The following IRF3 variants were observed in gnomAD, a reference collection of about 807,000 sequenced individuals.
The protein encoded by IRF3 is interferon regulatory factor 3.
IRF3 carries 29 observed loss-of-function variants against 43.2 expected under a neutral mutation model. The ratio of observed to expected loss-of-function variants is 0.67; its 90% CI spans 0.50 to 0.91. The LOEUF is 0.91. Among genes scored for constraint, IRF3 ranks in the 40% least tolerant of loss-of-function variants. The probability of loss-of-function intolerance (pLI) is 0.00; values close to 1 mark genes in which losing one functional copy is unlikely to be tolerated. For synonymous variants in IRF3, 228 were observed against 233.9 expected, an observed-to-expected ratio of 0.97 and a Z score of 0.23; for missense variants, 505 against 559.1, an observed-to-expected ratio of 0.90 and a Z score of 0.98.
At position 49,660,657 on chromosome 19, in the gene IRF3, C is replaced by G. The variant is rs1018382620; in HGVS notation, c.1098+56G>C. 4 of 1,477,496 alleles carry G rather than the reference C, an allele frequency of 2.7e-6. No individual in the cohort carries two copies. The Admixed American group carries it at 7.5e-5, about 28-fold the overall frequency. The allele number at this position is 1,477,496 out of a possible 1,614,324, so 91.5% of individuals were successfully genotyped here. On this transcript the variant is annotated intron_variant, in intron 7 of 7. Transcript: ENST00000377139. ...GGGAGTTGGAGTTCCTGGGAGCAAC[C>G]TCTTCCCTCTGTAAGGCCACCCCTT...
rs189870557 is a variant in IRF3 at position 49,663,392 on chromosome 19, C to G, written c.288G>C (p.Arg96=). 1.9e-6 allele frequency: 3 copies of G among 1,614,198 alleles called. No homozygotes were observed. The highest frequency in any genetic ancestry group is 2.2e-5 in the East Asian group (1 of 44,882). The stretch of plus-strand genomic sequence containing the variant: ...TATGTGGGTCGTGAGGGTCCTTGCT[C>G]CGGTCCTCTGCTAAACGCAACCCTT... ...RKEGLRLAED[R]SKDPHDPHKI... Residue 96 remains arginine (R), a synonymous_variant, in exon 3 of 8, where the codon CGG becomes CGC. Transcript: ENST00000377139.
Position 49,665,835 on chromosome 19 carries a change from C to G in IRF3, c.-213G>C. ...AGACCCAAAAGCCGATGGGACGGCC[C>G]GCTGGGCTGTTCCCGCCCCTATGCC... On this transcript the variant is annotated 5_prime_UTR_variant, in exon 1 of 8. Transcript: ENST00000377139. The G allele has an allele frequency of 6.3e-7, 1 of 1,597,106 alleles. No homozygotes were observed. The highest frequency in any genetic ancestry group is 8.6e-7 in the Non-Finnish European group (1 of 1,166,148).
chr19:49,663,145 C>T (rs1236951665), intron 4 of IRF3, 43 bp downstream of exon 4: 3 of 1,530,684 alleles, frequency 2.0e-6, no homozygotes, highest in South Asian at 1.1e-5. Context: ...CCCATGGAGA[C>T]AGGTCGGAGA....
rs1194237221 is a variant in IRF3 at position 49,664,699 on chromosome 19, T to C, written c.140A>G (p.Gln47Arg). ...PWKHGLRQDA[Q>R]QEDFGIFQAW... ...CTGGAAGATTCCGAAATCCTCCTGC[T>C]GTGCATCCTGCCGTAGGCCGTGCTT... Residue 47 changes from glutamine to arginine, a missense_variant, in exon 2 of 8, where the codon CAG becomes CGG. By Grantham distance (43) the Gln-to-Arg change is conservative. Transcript: ENST00000377139. 1 of 1,613,976 alleles carries C rather than the reference T, an allele frequency of 6.2e-7. No homozygotes were observed.
rs766242350 is a variant in IRF3 at position 49,663,449 on chromosome 19, C to T, written c.231G>A (p.Lys77=). ...GGTTGAGGGCAGAGCGGAAATTCCTCTTCCAGGTTGGCAGGTCTGGCTTAT... is the reference window on the plus strand; with the variant it reads ...GGTTGAGGGCAGAGCGGAAATTCCTTTTCCAGGTTGGCAGGTCTGGCTTAT... ...GRDKPDLPTW[K]RNFRSALNRK... Residue 77 remains lysine (K), a synonymous_variant, in exon 3 of 8, where the codon AAG becomes AAA. Coordinates refer to ENST00000377139, the MANE Select transcript of IRF3 (RefSeq NM_001571.6). The T allele has an allele frequency of 8.7e-6, 14 of 1,614,102 alleles. No homozygotes were observed. Among genetic ancestry groups the T allele is most frequent in the Non-Finnish European group, 1.2e-5 (14 of 1,180,062 alleles).
rs2081187706 is a variant in IRF3 at position 49,659,614 on chromosome 19, G to A, written c.*34C>T. The stretch of plus-strand genomic sequence containing the variant: ...TTATTGGTTGAGGTGGTGGGGAACA[G>A]GGGGGTTGGAGGCACACCATGAGGA... On this transcript the variant is annotated 3_prime_UTR_variant, in exon 8 of 8. Transcript: ENST00000377139. 1 of 1,590,190 alleles carries A rather than the reference G, an allele frequency of 6.3e-7. No individual in the cohort carries two copies. Among genetic ancestry groups the A allele is most frequent in the Non-Finnish European group, 8.6e-7 (1 of 1,168,704 alleles).
Position 49,665,681 on chromosome 19 carries a change from G to T in IRF3, c.-59C>A. On this transcript the variant is annotated 5_prime_UTR_variant, in exon 1 of 8. Transcript: ENST00000377139. ...GGCAGCTGGAACCCACCCCTGTCTT[G>T]GAGCTCCGGGTAGCTCTCAAACTCG... 1 of 1,165,466 alleles carries T rather than the reference G, an allele frequency of 8.6e-7. No individual in the cohort carries two copies. Among genetic ancestry groups the T allele is most frequent in the Non-Finnish European group, 1.2e-6 (1 of 838,346 alleles). 72.2% of individuals were successfully genotyped at this position (1,165,466 alleles called of 1,614,324 possible).
At chr19:49,660,046 C>CACACA (rs2081244970) in intron 7 of IRF3, among the ~76,000 whole-genome samples, 1 of 142,762 alleles carries the variant, frequency 7.0e-6, no homozygotes, top group Non-Finnish European at 1.5e-5. Context: ...TGTAACTGAA[C>CACACA]CATAGGCCTA....
chr19:49,660,625 G>T, intron 7 of IRF3, 88 bp downstream of exon 7: 1 of 1,342,638 alleles, frequency 7.4e-7, no homozygotes, highest in Non-Finnish European at 9.9e-7. Flanking sequence ...TTTTTAGAGG[G>T]CCCTCTGGGA....
At chr19:49,659,946 A>G in intron 7 of IRF3, 113 bp from the exon 8 acceptor site, 2 of 1,092,718 alleles carry the variant, frequency 1.8e-6, no homozygotes, top group Non-Finnish European at 2.5e-6. Context: ...GTAACCTAGG[A>G]TGAACCATAG....
At chr19:49,660,973 C>A in intron 6 of IRF3, 145 bp from the exon 7 acceptor site, 1 of 899,964 alleles carries the variant, frequency 1.1e-6, no homozygotes, top group South Asian at 1.8e-5. Flanking sequence ...TGGGGAAAGT[C>A]CCCTCCTTCC....
intron 7 of IRF3, among the ~76,000 whole-genome samples, 195 bp from the exon 8 acceptor site, chr19:49,660,028 C>CACACACACACACACACACA (rs1555753000): frequency 0.013 from 1,460 of 109,798 alleles, 74 homozygotes; most frequent in Middle Eastern, 0.017. Flanking sequence ...CACACACACA[C>CACACACACACACACACACA]CCCCTGCTGT....
Position 49,661,948 on chromosome 19 carries a change from C to G in IRF3, c.982G>C (p.Asp328His). The change falls in exon 6 of 8, where the codon GAT becomes CAT. Residue 328 changes from aspartate to histidine, a missense_variant and splice_region_variant. Coordinates refer to ENST00000377139, the MANE Select transcript of IRF3 (RefSeq NM_001571.6). ...GVFDLGPFIV[D>H]LITFTEGSGR... ...AGGTCGAAGCCCCTGTCTCACTCAC[C>G]TACAATGAAGGGCCCCAGGTCAAAC... 6.2e-7 allele frequency: 1 copy of G among 1,603,720 alleles called. No individual in the cohort carries two copies. Among genetic ancestry groups the G allele is most frequent in the Non-Finnish European group, 8.5e-7 (1 of 1,173,280 alleles).
At position 49,659,792 on chromosome 19, in the gene IRF3, C is replaced by G. The variant is rs2081197694; in HGVS notation, c.1140G>C (p.Arg380=). Residue 380 remains arginine, a synonymous_variant, in exon 8 of 8, where the codon CGG becomes CGC. Transcript: ENST00000377139. ...TCTCCAGGGAGGAGGCACCCCCTAC[C>G]CGGGCCATTTCTACCAAGGCCCTGA... The part of the protein sequence containing the change: ...TCLRALVEMA[R]VGGASSLENT... The G allele has an allele frequency of 6.2e-7, 1 of 1,610,092 alleles. No individual in the cohort carries two copies. The highest frequency in any genetic ancestry group is 2.2e-5 in the East Asian group (1 of 44,818).
chr19:49,660,087 C>CACACAA (rs919585720), intron 7 of IRF3, among the ~76,000 whole-genome samples: 4 of 151,118 alleles, frequency 2.6e-5, no homozygotes, highest in Admixed American at 1.3e-4. Context: ...TTTACACACA[C>CACACAA]ACACAAACAC....
intron 2 of IRF3, 154 bp downstream of exon 2, chr19:49,664,520 T>C (rs760377317): frequency 1.8e-5 from 28 of 1,585,268 alleles, no homozygotes; most frequent in South Asian, 3.4e-5. Context: ...CGGATCCGGC[T>C]AGCCCCGCCC....
In IRF3 at chr19:49,664,666, G is replaced by A. The variant is rs746965185; in HGVS notation, c.165+8C>T. ...CGGGTTTCCAGCGTCCCAGGTCGTC[G>A]CACGCACCTGGAAGATTCCGAAATC... On this transcript the variant is annotated splice_region_variant and intron_variant, in intron 2 of 7. Transcript: ENST00000377139. 14 of 1,610,884 alleles carry A rather than the reference G, an allele frequency of 8.7e-6. No individual in the cohort carries two copies. The Admixed American group carries it at 2.2e-4, about 25-fold the overall frequency.
chr19:49,661,725 A>G, intron 6 of IRF3: 1 of 516,530 alleles, frequency 1.9e-6, no homozygotes, highest in Non-Finnish European at 3.4e-6. Flanking sequence ...GATTACAGGC[A>G]CGTGCCACCA....
Position 49,662,470 on chromosome 19 carries a change from C to A in IRF3, c.556G>T (p.Gly186Trp). Residue 186 changes from glycine to tryptophan, a missense_variant, in exon 5 of 8, where the codon GGG becomes TGG. Physicochemically the swap from Gly to Trp is radical, Grantham distance 184. Transcript: ENST00000377139. ...LDNPTPFPNL[G>W]PSENPLKRLL... Reference sequence around the variant, plus strand: ...CGCTTCAGTGGGTTCTCAGAGGGCCCCAGGTTTGGGAAGGGAGTGGGATTG... The same window carrying A: ...CGCTTCAGTGGGTTCTCAGAGGGCCACAGGTTTGGGAAGGGAGTGGGATTG... 6.3e-7 allele frequency: 1 copy of A among 1,592,924 alleles called. No individual in the cohort carries two copies. The highest frequency in any genetic ancestry group is 2.3e-5 in the East Asian group (1 of 44,028).
Sources: gnomAD v4.1 joint callset for allele counts (sites outside exome capture counted in the v4.1 genomes callset) on GRCh38, gnomAD v4.1.1 for gene constraint, MANE v1.5 for transcripts, NCBI Gene and HGNC (gene_info 2026-07-23, HGNC 2026-07-21) for gene names.